The following CDK14 variants were observed in gnomAD, a reference collection of about 807,000 sequenced individuals.
The protein encoded by CDK14 is cyclin-dependent kinase 14.
CDK14 carries 34 observed loss-of-function variants against 60.7 expected under a neutral mutation model. The ratio of observed to expected loss-of-function variants is 0.56; its 90% CI spans 0.43 to 0.75. The LOEUF is 0.75. Ranked by LOEUF, CDK14 falls within the 30% of genes least tolerant of loss-of-function variation. CDK14 has a pLI of 0.00. For missense variants in CDK14, 482 were observed against 564.1 expected (o/e 0.85, Z 1.47); for synonymous variants, 197 against 203.7 (o/e 0.97, Z 0.28).
chr7:90,835,744 A>G lies in CDK14; in HGVS notation c.545-27431A>G, dbSNP rs77014446. 8.3e-3 allele frequency among the ~76,000 whole-genome samples: 1,268 copies of G among 152,272 alleles called. 10 individuals carry two copies. Among genetic ancestry groups the G allele is most frequent in the African/African-American group, 0.028 (1,165 of 41,552 alleles). ...TATATATTAAGTCCTGCATCACTTAATAACAGAGTGCATTCTGATAAATGT... is the reference window on the plus strand; with the variant it reads ...TATATATTAAGTCCTGCATCACTTAGTAACAGAGTGCATTCTGATAAATGT... On this transcript the variant is annotated intron_variant, in intron 5 of 14. Coordinates refer to ENST00000380050, the MANE Select transcript of CDK14 (RefSeq NM_001287135.2).
At chr7:90,934,126 C>A (rs1230263411) in intron 8 of CDK14, among the ~76,000 whole-genome samples, 1 of 152,250 alleles carries the variant, frequency 6.6e-6, no homozygotes, top group East Asian at 1.9e-4. Context: ...GAAAGGCGGT[C>A]AGTGCCCAGG....
At chr7:91,161,058 G>T (rs374564417) in intron 14 of CDK14, among the ~76,000 whole-genome samples, 1 of 152,222 alleles carries the variant, frequency 6.6e-6, no homozygotes, top group African/African-American at 2.4e-5. Flanking sequence ...CCTTGGAAAG[G>T]CGTATCAGCA....
At chr7:90,943,780 T>C (rs1794009814) in intron 8 of CDK14, among the ~76,000 whole-genome samples, 1 of 152,228 alleles carries the variant, frequency 6.6e-6, no homozygotes. Context: ...GGATAGGTTT[T>C]CTATTGAAGT....
In CDK14 at chr7:90,878,072, C is replaced by CTGTG. The variant is rs142735469; in HGVS notation, c.639+14822_639+14825dup. ...TAGATGCATTGGACACATTGTGTGG[C>CTGTG]TGTGTGTGTGTGTGTGTGTGTGAGA... is the stretch of plus-strand genomic sequence containing the variant. On this transcript the variant is annotated intron_variant, in intron 6 of 14. Transcript: ENST00000380050. Among the ~76,000 whole-genome samples the CTGTG allele has an allele frequency of 2.0e-3, 302 of 147,766 alleles. 3 individuals carry two copies. Among genetic ancestry groups the CTGTG allele is most frequent in the Admixed American group, 2.5e-3 (37 of 14,844 alleles).
chr7:90,611,648 C>G (rs990178362), intron 2 of CDK14, among the ~76,000 whole-genome samples: 2 of 152,070 alleles, frequency 1.3e-5, no homozygotes, highest in African/African-American at 2.4e-5. Context: ...AACTGACTTC[C>G]CTGCCTACGA....
intron 6 of CDK14, among the ~76,000 whole-genome samples, chr7:90,880,717 G>T (rs1486688686): frequency 6.6e-6 from 1 of 152,094 alleles, no homozygotes; most frequent in East Asian, 1.9e-4. Flanking sequence ...AGAGGTCCCA[G>T]CAGAAGAAGC....
At chr7:90,682,462 T>C (rs531807076) in intron 2 of CDK14, among the ~76,000 whole-genome samples, 2 of 152,330 alleles carry the variant, frequency 1.3e-5, no homozygotes, top group East Asian at 3.9e-4. Context: ...ATATAGTCTC[T>C]TTTTTGAACT....
At chr7:91,092,211 A>G (rs895420796) in intron 12 of CDK14, among the ~76,000 whole-genome samples, 3 of 152,180 alleles carry the variant, frequency 2.0e-5, no homozygotes, top group African/African-American at 7.2e-5. Flanking sequence ...TAAAGTCAGG[A>G]ATAAAGGACT....
At chr7:90,886,358 T>G (rs1791946129) in intron 6 of CDK14, among the ~76,000 whole-genome samples, 1 of 152,208 alleles carries the variant, frequency 6.6e-6, no homozygotes, top group South Asian at 2.1e-4. Context: ...AAGTAAATAT[T>G]GAGAGATATT....
intron 9 of CDK14, 133 bp from the exon 10 acceptor site, chr7:90,984,015 A>G: frequency 1.5e-6 from 1 of 653,054 alleles, no homozygotes; most frequent in East Asian, 2.6e-5. Context: ...ATCTAAAATA[A>G]AAGTTAGAGG....
At chr7:90,730,020 C>G (rs1486013241) in intron 3 of CDK14, among the ~76,000 whole-genome samples, 3 of 151,206 alleles carry the variant, frequency 2.0e-5, no homozygotes, top group Non-Finnish European at 4.4e-5. Context: ...GCTATCCCTC[C>G]CCTAGCCCTG....
chr7:90,776,581 A>G (rs1169617416), intron 4 of CDK14, among the ~76,000 whole-genome samples: 1 of 152,222 alleles, frequency 6.6e-6, no homozygotes, highest in Non-Finnish European at 1.5e-5. Context: ...TAGAAAGGTC[A>G]CAGAAGAAGT....
At chr7:90,640,759 A>G (rs1397178930) in intron 2 of CDK14, among the ~76,000 whole-genome samples, 2 of 152,146 alleles carry the variant, frequency 1.3e-5, no homozygotes, top group East Asian at 1.9e-4. Context: ...CTAAAAAACC[A>G]TTGAAAGCCT....
chr7:91,069,200 C>T (rs1003150046), intron 11 of CDK14, among the ~76,000 whole-genome samples: 1 of 152,132 alleles, frequency 6.6e-6, no homozygotes, highest in Non-Finnish European at 1.5e-5. Flanking sequence ...CATAACAAAG[C>T]AATATAAGTC....
At chr7:90,867,184 G>A (rs535579952) in intron 6 of CDK14, among the ~76,000 whole-genome samples, 4 of 152,176 alleles carry the variant, frequency 2.6e-5, no homozygotes, top group East Asian at 1.9e-4. Flanking sequence ...AAGGAATCTC[G>A]TTCATAATGG....
intron 1 of CDK14, among the ~76,000 whole-genome samples, chr7:90,603,673 T>C (rs1251240561): frequency 2.0e-5 from 3 of 152,262 alleles, no homozygotes; most frequent in Non-Finnish European, 4.4e-5. Context: ...TATTGTTTTC[T>C]TTTGAAATAC....
intron 2 of CDK14, among the ~76,000 whole-genome samples, chr7:90,652,611 G>A (rs1259441432): frequency 6.6e-6 from 1 of 152,210 alleles, no homozygotes; most frequent in Non-Finnish European, 1.5e-5. Context: ...CAAAATAAGT[G>A]TGAGACGATG....
intron 11 of CDK14, among the ~76,000 whole-genome samples, chr7:91,079,121 T>C (rs528853144): frequency 6.6e-6 from 1 of 152,306 alleles, no homozygotes; most frequent in South Asian, 2.1e-4. Context: ...TACTTACAGG[T>C]TGGAGGTTTG....
intron 10 of CDK14, among the ~76,000 whole-genome samples, chr7:91,012,434 C>A (rs574686156): frequency 6.6e-6 from 1 of 152,196 alleles, no homozygotes. Context: ...ACAGATTTCT[C>A]CTCTTTGATC....
Sources: gnomAD v4.1 joint callset for allele counts (sites outside exome capture counted in the v4.1 genomes callset) on GRCh38, gnomAD v4.1.1 for gene constraint, MANE v1.5 for transcripts, NCBI Gene and HGNC (gene_info 2026-07-23, HGNC 2026-07-21) for gene names.